KDM6A: variants seen among roughly 807,000 people sequenced by gnomAD.
The protein encoded by KDM6A is lysine-specific demethylase 6A.
A neutral mutation model predicts 117.6 loss-of-function variants in KDM6A; 11 were observed. That is an observed-to-expected ratio of 0.09 (90% CI 0.06 to 0.15). The LOEUF is 0.15. KDM6A is among the 10% of genes least tolerant of loss of function. KDM6A has a pLI of 1.00. For missense variants in KDM6A, 799 were observed against 1,077.3 expected (o/e 0.74, Z 3.62); for synonymous variants, 384 against 396.1 (o/e 0.97, Z 0.36).
intron 5 of KDM6A, among the ~76,000 whole-genome samples, chrX:45,017,299 A>G (rs962959445): frequency 1.2e-4 from 13 of 111,889 alleles, no homozygotes; most frequent in Non-Finnish European, 1.7e-4. Flanking sequence ...CAGAAATTGA[A>G]TGTGTTAATG....
At chrX:45,031,278 C>T (rs776861130) in intron 6 of KDM6A, among the ~76,000 whole-genome samples, 14 of 111,770 alleles carry the variant, frequency 1.3e-4, no homozygotes, top group Non-Finnish European at 2.4e-4. Context: ...CCTATTAAGG[C>T]ATTAATTTCA....
intron 4 of KDM6A, among the ~76,000 whole-genome samples, chrX:44,979,309 G>A (rs758913591): frequency 5.0e-4 from 55 of 109,488 alleles, no homozygotes; most frequent in Non-Finnish European, 8.0e-4. Context: ...TTCCTCCTCA[G>A]TCTTTTTAAC....
chrX:44,876,990 C>T lies in KDM6A; in HGVS notation c.225+3003C>T, dbSNP rs750005079. On this transcript the variant is annotated intron_variant, in intron 2 of 29. Transcript: ENST00000611820. ...ATATGAATACGTATATACACGTATA[C>T]GCATACGTATATACACACGTATACG... Among the ~76,000 whole-genome samples, 8 of 110,135 alleles carry T rather than the reference C, an allele frequency of 7.3e-5. No individual in the cohort carries two copies. In the East Asian group the frequency reaches 8.5e-4, roughly 12 times the overall value.
intron 2 of KDM6A, among the ~76,000 whole-genome samples, chrX:44,946,950 A>G (rs759457158): frequency 2.7e-5 from 3 of 110,852 alleles, no homozygotes; most frequent in Non-Finnish European, 5.7e-5. Context: ...CTTTCTTTTG[A>G]TTATGTTTGT....
chrX:44,960,167 A>G (rs558149262), intron 2 of KDM6A, among the ~76,000 whole-genome samples: 1 of 111,793 alleles, frequency 8.9e-6, no homozygotes, highest in African/African-American at 3.2e-5. Flanking sequence ...AATGGTAGTG[A>G]AAGTTTTTTA....
At chrX:44,879,250 T>C (rs1390598784) in intron 2 of KDM6A, among the ~76,000 whole-genome samples, 3 of 112,221 alleles carry the variant, frequency 2.7e-5, no homozygotes, top group South Asian at 3.6e-4. Flanking sequence ...TTGAAATTCA[T>C]TGTGATGCGT....
chrX:44,913,298 GT>G (rs11449898), intron 2 of KDM6A, among the ~76,000 whole-genome samples: 2 of 86,532 alleles, frequency 2.3e-5, no homozygotes, highest in Non-Finnish European at 2.2e-5. Flanking sequence ...TGTGTTAACT[GT>G]TTTTTTTTTT....
At chrX:45,066,173 G>A (rs1464725698) in intron 17 of KDM6A, among the ~76,000 whole-genome samples, 3 of 112,141 alleles carry the variant, frequency 2.7e-5, no homozygotes, top group Non-Finnish European at 3.8e-5. Flanking sequence ...TTGGATAAGG[G>A]CAATTTCAGT....
rs1442728347 is a variant in KDM6A, at chrX:45,063,455, A to G, written c.1717A>G (p.Thr573Ala). The G allele has an allele frequency of 4.1e-6, 5 of 1,205,388 alleles. No homozygotes were observed. In the African/African-American group the frequency reaches 5.3e-5, roughly 13 times the overall value. Residue 573 changes from threonine to alanine, a missense_variant, in exon 17 of 30, where the codon ACT becomes GCT. Coordinates refer to ENST00000611820, the MANE Select transcript of KDM6A (RefSeq NM_001291415.2). ...RPTGVAQVRS[T>A]GIPNGPTADS... is the part of the protein sequence containing the mutation. ...AACAGGAGTTGCACAGGTACGATCT[A>G]CTGGAATTCCTAATGGGCCAACAGC...
intron 4 of KDM6A, among the ~76,000 whole-genome samples, chrX:44,978,818 G>GTCTAAAGGACAAAAA (rs2039745256): frequency 1.8e-5 from 2 of 111,494 alleles, no homozygotes; most frequent in East Asian, 5.6e-4. Context: ...TGTCTGTTCT[G>GTCTAAAGGACAAAAA]GAATATCATG....
intron 2 of KDM6A, among the ~76,000 whole-genome samples, chrX:44,891,435 G>T (rs948624085): frequency 1.8e-5 from 2 of 111,201 alleles, no homozygotes; most frequent in Non-Finnish European, 3.8e-5. Context: ...AAATAGTTGC[G>T]TATATATTTG....
At chrX:44,932,112 T>TTTA (rs1491514439) in intron 2 of KDM6A, among the ~76,000 whole-genome samples, 1 of 57,033 alleles carries the variant, frequency 1.8e-5, no homozygotes, top group South Asian at 1.2e-3. Context: ...TTTTTTTTTT[T>TTTA]AAGATGGAGT....
At chrX:44,911,619 T>C (rs773765582) in intron 2 of KDM6A, among the ~76,000 whole-genome samples, 118 of 111,532 alleles carry the variant, frequency 1.1e-3, no homozygotes, top group Admixed American at 1.8e-3. Context: ...ACTTCCCAGA[T>C]GGGGTGGCGG....
intron 2 of KDM6A, among the ~76,000 whole-genome samples, chrX:44,946,035 A>G (rs1255947529): frequency 8.9e-6 from 1 of 112,411 alleles, no homozygotes; most frequent in Non-Finnish European, 1.9e-5. Flanking sequence ...ATCTTTTATT[A>G]TGAAGAATTT....
At chrX:44,924,023 T>C (rs1462788369) in intron 2 of KDM6A, among the ~76,000 whole-genome samples, 1 of 112,327 alleles carries the variant, frequency 8.9e-6, no homozygotes, top group East Asian at 2.8e-4. Flanking sequence ...GTGCCCGGCC[T>C]AATCTCCTCT....
At chrX:45,019,197 C>T (rs1340929021) in intron 5 of KDM6A, among the ~76,000 whole-genome samples, 1 of 111,166 alleles carries the variant, frequency 9.0e-6, no homozygotes, top group Non-Finnish European at 1.9e-5. Flanking sequence ...TAATTTACCA[C>T]AGTTTTTGCC....
In KDM6A at chrX:45,082,382, C is replaced by T. The variant is rs1032169235; in HGVS notation, c.3301-194C>T. ...CCAGGAGGCAGAGGTTGCAGTGAGC[C>T]GGGGTCGCACCACTGCACTCCAGCC... On this transcript the variant is annotated intron_variant, in intron 21 of 29. Coordinates refer to ENST00000611820, the MANE Select transcript of KDM6A (RefSeq NM_001291415.2). 40 of 416,427 alleles carry T rather than the reference C, an allele frequency of 9.6e-5. No homozygotes were observed. In the South Asian group the frequency reaches 9.9e-4, roughly 10 times the overall value. 34.3% of individuals were successfully genotyped at this position (416,427 alleles called of 1,213,427 possible).
At chrX:44,982,066 G>T (rs2039939721) in intron 4 of KDM6A, among the ~76,000 whole-genome samples, 1 of 111,926 alleles carries the variant, frequency 8.9e-6, no homozygotes, top group African/African-American at 3.2e-5. Flanking sequence ...CTGGGCAACA[G>T]AGTCTAAAGT....
intron 2 of KDM6A, among the ~76,000 whole-genome samples, chrX:44,958,562 A>C (rs956893045): frequency 9.1e-6 from 1 of 109,400 alleles, no homozygotes; most frequent in Non-Finnish European, 1.9e-5. Flanking sequence ...AGTAAAATGA[A>C]CAAAATACAA....
Sources: allele counts gnomAD v4.1 joint callset (sites outside exome capture counted in the v4.1 genomes callset), GRCh38; gene constraint gnomAD v4.1.1; transcripts MANE v1.5; gene names NCBI Gene and HGNC (gene_info 2026-07-23, HGNC 2026-07-21).